The following ADGRL2 variants were observed in gnomAD, a reference collection of about 807,000 sequenced individuals.
ADGRL2 encodes the protein calcium-independent alpha-latrotoxin receptor 2.
In ADGRL2, 44 loss-of-function variants were observed where a neutral mutation model predicts 157.4. That is an observed-to-expected ratio of 0.28 (90% CI 0.22 to 0.36). The LOEUF is 0.36. Ranked by LOEUF, ADGRL2 falls within the 10% of genes least tolerant of loss-of-function variation. The pLI is 1.00. For synonymous variants in ADGRL2, 585 were observed against 624.7 expected, an observed-to-expected ratio of 0.94 and a Z score of 0.95; for missense variants, 1,510 against 1,768.9, an observed-to-expected ratio of 0.85 and a Z score of 2.63.
At chr1:81,656,245 C>A (rs1004605256) in intron 3 of ADGRL2, among the ~76,000 whole-genome samples, 9 of 152,150 alleles carry the variant, frequency 5.9e-5, no homozygotes, top group African/African-American at 2.2e-4. Context: ...CATACCCTGT[C>A]TCAAATATCT....
At chr1:81,963,760 T>C (rs1656207840) in intron 11 of ADGRL2, among the ~76,000 whole-genome samples, 1 of 151,464 alleles carries the variant, frequency 6.6e-6, no homozygotes, top group Non-Finnish European at 1.5e-5. Flanking sequence ...TTATAAAATG[T>C]GTGTATATTT....
intron 1 of ADGRL2, among the ~76,000 whole-genome samples, chr1:81,339,081 T>C (rs1323709613): frequency 6.6e-6 from 1 of 152,222 alleles, no homozygotes; most frequent in African/African-American, 2.4e-5. Flanking sequence ...GTACCACCTC[T>C]AGATTCCCAT....
At chr1:81,742,946 C>T (rs1557612177) in intron 1 of ADGRL2, among the ~76,000 whole-genome samples, 1 of 151,956 alleles carries the variant, frequency 6.6e-6, no homozygotes, top group Non-Finnish European at 1.5e-5. Flanking sequence ...AGTACTAACA[C>T]TTATCTCTTC....
chr1:81,891,090 A>G (rs191772993), intron 2 of ADGRL2, among the ~76,000 whole-genome samples: 104 of 152,088 alleles, frequency 6.8e-4, no homozygotes, highest in African/African-American at 2.5e-3. Context: ...CCCCCCATGC[A>G]TGTATATAGA....
intron 1 of ADGRL2, among the ~76,000 whole-genome samples, chr1:81,312,944 T>C (rs1054990581): frequency 2.0e-5 from 3 of 152,160 alleles, no homozygotes; most frequent in Non-Finnish European, 4.4e-5. Context: ...TGGAATACAA[T>C]ATACGGAGAG....
At chr1:81,911,304 A>C (rs2094715772) in intron 3 of ADGRL2, among the ~76,000 whole-genome samples, 1 of 152,114 alleles carries the variant, frequency 6.6e-6, no homozygotes, top group African/African-American at 2.4e-5. Flanking sequence ...AGTACTCTTT[A>C]AAGATAATTG....
intron 11 of ADGRL2, among the ~76,000 whole-genome samples, chr1:81,965,217 T>G (rs1656692001): frequency 6.6e-6 from 1 of 152,214 alleles, no homozygotes; most frequent in South Asian, 2.1e-4. Context: ...AAGGTCCAGA[T>G]AGTATATATT....
intron 6 of ADGRL2, among the ~76,000 whole-genome samples, chr1:81,947,960 T>C (rs188869960): frequency 2.0e-4 from 31 of 152,300 alleles, no homozygotes; most frequent in Admixed American, 1.8e-3. Flanking sequence ...CGCTCATGCC[T>C]GTAATCCCAG....
chr1:81,311,975 ATTT>A lies in ADGRL2; in HGVS notation c.-302+5470_-302+5472del, dbSNP rs528035530. Among the ~76,000 whole-genome samples, 244 of 152,302 alleles carry A rather than the reference ATTT, an allele frequency of 1.6e-3. 2 individuals are homozygous for A. Among genetic ancestry groups the A allele is most frequent in the Non-Finnish European group, 2.7e-3 (185 of 68,024 alleles). ...GATTTTAAACAATTCAGACTTTGGC[ATTT>A]TTTAGTAACTTCAGTTTTCAGCTTT... is the stretch of plus-strand genomic sequence containing the variant. On this transcript the variant is annotated intron_variant, in intron 1 of 24. Transcript: ENST00000370721.
rs1310106716 is a variant in ADGRL2, at chr1:81,329,709, G to A, written c.-302+23200G>A. Among the ~76,000 whole-genome samples, 3 of 152,092 alleles carry A rather than the reference G, an allele frequency of 2.0e-5. No homozygotes were observed. In the East Asian group the frequency reaches 5.8e-4, roughly 29 times the overall value. On this transcript the variant is annotated intron_variant, in intron 1 of 24. Coordinates refer to the ADGRL2 transcript ENST00000370721. ...TGCCCAAACCACCAACTGTTTTTTA[G>A]ATGCCAATTTATTTTTCACTTGTGA...
intron 1 of ADGRL2, among the ~76,000 whole-genome samples, chr1:81,817,721 G>C (rs980733591): frequency 6.6e-6 from 1 of 151,758 alleles, no homozygotes; most frequent in Non-Finnish European, 1.5e-5. Flanking sequence ...TTGATTTTTT[G>C]GCGGCCTTGT....
chr1:81,871,430 A>T (rs2093691464), intron 2 of ADGRL2, among the ~76,000 whole-genome samples: 1 of 152,154 alleles, frequency 6.6e-6, no homozygotes, highest in Admixed American at 6.5e-5. Context: ...CATGATTTAT[A>T]ATCCTTTGGG....
chr1:81,970,685 T>G (rs1658467038), intron 16 of ADGRL2, 151 bp downstream of exon 16: 1 of 528,532 alleles, frequency 1.9e-6, no homozygotes, highest in Non-Finnish European at 3.2e-6. Context: ...TACAATCAAG[T>G]CTTTTGCAAT....
chr1:81,360,455 A>G (rs1017671853), intron 1 of ADGRL2, among the ~76,000 whole-genome samples: 2 of 152,040 alleles, frequency 1.3e-5, no homozygotes, highest in Non-Finnish European at 2.9e-5. Flanking sequence ...TCTGAAAAAA[A>G]TAATGTGTAT....
At chr1:81,653,062 C>G (rs900846904) in intron 3 of ADGRL2, among the ~76,000 whole-genome samples, 19 of 152,072 alleles carry the variant, frequency 1.2e-4, no homozygotes, top group Admixed American at 1.1e-3. Context: ...TCTGTAACTC[C>G]TTTAAATTGG....
Position 81,951,982 on chromosome 1 carries a change from G to C in ADGRL2, c.1634G>C (p.Ser545Thr). Residue 545 changes from serine to threonine, a missense_variant, in exon 9 of 24, where the codon AGT becomes ACT. By Grantham distance (58) the Ser-to-Thr change is moderately conservative. This residue lies in a region of ADGRL2 where 325 missense variants were observed against 333.2 expected (regional missense o/e 0.98). Transcript: ENST00000686636. ...QKIRSGENAA[S>T]LANELAKHTK... Reference sequence around the variant, plus strand: ...ATCAGAAGCGGAGAAAATGCTGCTAGTCTTGCCAATGAACTGGCTAAACAT... The same window carrying C: ...ATCAGAAGCGGAGAAAATGCTGCTACTCTTGCCAATGAACTGGCTAAACAT... The C allele has an allele frequency of 6.2e-7, 1 of 1,608,730 alleles. No individual in the cohort carries two copies. The highest frequency in any genetic ancestry group is 1.1e-5 in the South Asian group (1 of 90,212).
chr1:81,608,656 C>A (rs1016811079), intron 3 of ADGRL2, among the ~76,000 whole-genome samples: 1 of 152,058 alleles, frequency 6.6e-6, no homozygotes, highest in Non-Finnish European at 1.5e-5. Flanking sequence ...TTCTTCATAG[C>A]ATCTCTCAGG....
At chr1:81,413,973 C>T (rs1183591801) in intron 1 of ADGRL2, among the ~76,000 whole-genome samples, 2 of 144,034 alleles carry the variant, frequency 1.4e-5, no homozygotes, top group Non-Finnish European at 1.5e-5. Flanking sequence ...CGCCTAAAGA[C>T]CAATTGATCA....
intron 1 of ADGRL2, among the ~76,000 whole-genome samples, chr1:81,337,681 A>G (rs1661752870): frequency 6.6e-6 from 1 of 152,192 alleles, no homozygotes; most frequent in Non-Finnish European, 1.5e-5. Flanking sequence ...CCAGATCTAC[A>G]TTTTTTGAAG....
Sources: gnomAD v4.1 joint callset for allele counts (sites outside exome capture counted in the v4.1 genomes callset) on GRCh38, gnomAD v4.1.1 for gene constraint, gnomAD v4.1.1 regional missense constraint, MANE v1.5 for transcripts, NCBI Gene and HGNC (gene_info 2026-07-23, HGNC 2026-07-21) for gene names.